The following LUZP2 variants were observed in gnomAD, a reference collection of about 807,000 sequenced individuals.
LUZP2 encodes the protein leucine zipper protein 2.
In LUZP2, 52 loss-of-function variants were observed where a neutral mutation model predicts 51.6. The ratio of observed to expected loss-of-function variants is 1.01; its 90% CI spans 0.81 to 1.27. The LOEUF is 1.27. Among genes scored for constraint, LUZP2 ranks in the 50% most tolerant of loss-of-function variants. LUZP2 has a pLI of 0.00. For missense variants in LUZP2, 436 were observed against 395.4 expected, an observed-to-expected ratio of 1.10 and a Z score of -0.87; for synonymous variants, 154 against 137.3, an observed-to-expected ratio of 1.12 and a Z score of -0.85.
chr11:24,615,714 G>A lies in LUZP2; in HGVS notation c.63-113455G>A, dbSNP rs117999840. On this transcript the variant is annotated intron_variant, in intron 1 of 11. Coordinates refer to ENST00000336930, the MANE Select transcript of LUZP2 (RefSeq NM_001009909.4). Reference sequence around the variant, plus strand: ...AGTAGTAGCATGTTTAGTTTCAGCAGAATTTTCAAACAGTTTCCAGAGCAG... The same window carrying A: ...AGTAGTAGCATGTTTAGTTTCAGCAAAATTTTCAAACAGTTTCCAGAGCAG... 8.0e-4 allele frequency among the ~76,000 whole-genome samples: 121 copies of A among 151,968 alleles called. 2 individuals carry two copies. In the East Asian group the frequency reaches 0.022, roughly 28 times the overall value.
At chr11:24,924,692 A>C (rs1854174190) in intron 7 of LUZP2, among the ~76,000 whole-genome samples, 1 of 152,198 alleles carries the variant, frequency 6.6e-6, no homozygotes, top group Admixed American at 6.5e-5. Flanking sequence ...TTGGTTTTAT[A>C]CATTTTAGGG....
chr11:24,722,716 G>A (rs968174397), intron 1 of LUZP2, among the ~76,000 whole-genome samples: 2 of 151,984 alleles, frequency 1.3e-5, no homozygotes, highest in Non-Finnish European at 2.9e-5. Flanking sequence ...TCAGGAGTTC[G>A]AGACCAGCCT....
intron 1 of LUZP2, among the ~76,000 whole-genome samples, chr11:24,581,592 A>T (rs1017026466): frequency 6.6e-6 from 1 of 151,498 alleles, no homozygotes; most frequent in African/African-American, 2.4e-5. Flanking sequence ...GATCGCTTGA[A>T]CTCGGGAGGT....
At chr11:25,045,797 G>GT (rs35253194) in intron 9 of LUZP2, among the ~76,000 whole-genome samples, 72,504 of 151,902 alleles carry the variant, frequency 0.48, 17,603 homozygotes, top group Non-Finnish European at 0.51. Flanking sequence ...CTCAGAACTT[G>GT]TTTGTCAGTT....
intron 9 of LUZP2, among the ~76,000 whole-genome samples, chr11:25,034,078 C>G (rs796795284): frequency 6.6e-6 from 1 of 152,108 alleles, no homozygotes; most frequent in African/African-American, 2.4e-5. Flanking sequence ...TCTTCACAGC[C>G]TCACCACCAT....
intron 1 of LUZP2, among the ~76,000 whole-genome samples, chr11:24,597,218 C>T (rs1230056068): frequency 1.3e-5 from 2 of 152,064 alleles, no homozygotes; most frequent in African/African-American, 4.8e-5. Flanking sequence ...ATAAATCTAT[C>T]TTTTTAAAAT....
At chr11:24,629,378 C>A (rs1250073175) in intron 1 of LUZP2, among the ~76,000 whole-genome samples, 4 of 151,486 alleles carry the variant, frequency 2.6e-5, no homozygotes, top group African/African-American at 9.7e-5. Context: ...TTCTGGCCTC[C>A]AGCACCATTT....
At chr11:24,578,235 T>G (rs139291206) in intron 1 of LUZP2, among the ~76,000 whole-genome samples, 1 of 152,238 alleles carries the variant, frequency 6.6e-6, no homozygotes, top group African/African-American at 2.4e-5. Context: ...AGCTTCTTCT[T>G]AATTTTAAGA....
intron 1 of LUZP2, among the ~76,000 whole-genome samples, chr11:24,601,956 A>ATATATGTATATATGTG (rs1853669319): frequency 7.5e-6 from 1 of 132,484 alleles, no homozygotes; most frequent in Non-Finnish European, 1.6e-5. Context: ...GTATAAATGT[A>ATATATGTATATATGTG]TATATGTATA....
chr11:24,787,951 T>C (rs1038618205), intron 5 of LUZP2, among the ~76,000 whole-genome samples: 1 of 151,968 alleles, frequency 6.6e-6, no homozygotes, highest in African/African-American at 2.4e-5. Flanking sequence ...AAAGCAAGTT[T>C]TCCATTTGAA....
chr11:24,993,173 A>T lies in LUZP2; in HGVS notation c.765+9880A>T, dbSNP rs567419358. Among the ~76,000 whole-genome samples the T allele has an allele frequency of 9.2e-5, 14 of 152,242 alleles. No individual in the cohort carries two copies. In the East Asian group the frequency reaches 2.7e-3, roughly 29 times the overall value. ...TGGTATTACCATTATCTGTCTGGAA[A>T]ACTACAGTTCTTGTCTCTATGCCCC... On this transcript the variant is annotated intron_variant, in intron 9 of 11. Coordinates refer to ENST00000336930, the MANE Select transcript of LUZP2 (RefSeq NM_001009909.4).
At chr11:24,834,262 C>T (rs1419868277) in intron 5 of LUZP2, among the ~76,000 whole-genome samples, 2 of 151,994 alleles carry the variant, frequency 1.3e-5, no homozygotes, top group African/African-American at 2.4e-5. Context: ...CACCCCCCAA[C>T]AGGCCCCAGG....
At chr11:24,821,254 A>T (rs533180072) in intron 5 of LUZP2, among the ~76,000 whole-genome samples, 2 of 152,230 alleles carry the variant, frequency 1.3e-5, no homozygotes, top group East Asian at 3.9e-4. Flanking sequence ...GATATGTTGT[A>T]CCCACAAATA....
At chr11:24,639,632 G>A (rs1337195356) in intron 1 of LUZP2, among the ~76,000 whole-genome samples, 1 of 151,678 alleles carries the variant, frequency 6.6e-6, no homozygotes, top group Non-Finnish European at 1.5e-5. Context: ...TGTATTTTTA[G>A]TAGAGACAGG....
At chr11:24,936,180 T>C (rs1229746009) in intron 7 of LUZP2, among the ~76,000 whole-genome samples, 1 of 152,146 alleles carries the variant, frequency 6.6e-6, no homozygotes, top group East Asian at 1.9e-4. Flanking sequence ...AATTTTATAG[T>C]TTATGAAAAA....
intron 7 of LUZP2, among the ~76,000 whole-genome samples, chr11:24,976,046 C>G (rs754152138): frequency 2.0e-5 from 3 of 151,950 alleles, no homozygotes; most frequent in Non-Finnish European, 4.4e-5. Context: ...CCTTCTCTGT[C>G]TGCCCTCACT....
intron 1 of LUZP2, among the ~76,000 whole-genome samples, chr11:24,647,981 T>C (rs900998337): frequency 6.6e-6 from 1 of 152,040 alleles, no homozygotes; most frequent in Admixed American, 6.6e-5. Flanking sequence ...CTCTTTTCTA[T>C]CATTACTCAC....
chr11:24,727,948 C>T (rs1432211453), intron 1 of LUZP2, among the ~76,000 whole-genome samples: 2 of 151,856 alleles, frequency 1.3e-5, no homozygotes, highest in Non-Finnish European at 2.9e-5. Flanking sequence ...TATATTTCTG[C>T]AGAATGACTA....
chr11:24,997,481 G>C (rs1228290729), intron 9 of LUZP2, among the ~76,000 whole-genome samples: 2 of 152,102 alleles, frequency 1.3e-5, no homozygotes, highest in Non-Finnish European at 2.9e-5. Context: ...TCTTTTTCTT[G>C]TAAATTTGTT....
Sources: allele counts gnomAD v4.1 joint callset (sites outside exome capture counted in the v4.1 genomes callset), GRCh38; gene constraint gnomAD v4.1.1; transcripts MANE v1.5; gene names NCBI Gene and HGNC (gene_info 2026-07-23, HGNC 2026-07-21).